The following FRYL variants were observed in gnomAD, a reference collection of about 807,000 sequenced individuals.
FRYL encodes the protein protein furry homolog-like.
FRYL carries 150 observed loss-of-function variants against 351.2 expected under a neutral mutation model. The ratio of observed to expected loss-of-function variants is 0.43; its 90% CI spans 0.37 to 0.49. The LOEUF is 0.49. FRYL is among the 20% of genes least tolerant of loss of function. The probability of loss-of-function intolerance (pLI) is 0.00; values close to 1 mark genes in which losing one functional copy is unlikely to be tolerated. For synonymous variants in FRYL, 1,153 were observed against 1,257.1 expected (o/e 0.92, Z 1.75); for missense variants, 3,036 against 3,619.3 (o/e 0.84, Z 4.13).
At chr4:48,671,566 C>A (rs781150516) in intron 3 of FRYL, among the ~76,000 whole-genome samples, 59 of 152,178 alleles carry the variant, frequency 3.9e-4, no homozygotes, top group Non-Finnish European at 6.9e-4. Context: ...ACTCGGGAGG[C>A]TGAGGCAGGA....
chr4:48,668,431 C>T (rs1762122069), intron 3 of FRYL, among the ~76,000 whole-genome samples: 2 of 151,394 alleles, frequency 1.3e-5, no homozygotes, highest in South Asian at 4.2e-4. Context: ...ACTGGTTTTG[C>T]CTAGGGAACC....
intron 3 of FRYL, among the ~76,000 whole-genome samples, chr4:48,655,912 TATA>T (rs199803635): frequency 0.15 from 20,583 of 139,770 alleles, 1,856 homozygotes; most frequent in Middle Eastern, 0.35. Context: ...GTACATTATA[TATA>T]ATGTGTAATT....
Position 48,527,561 on chromosome 4 carries a change from T to C in FRYL, c.7233A>G (p.Val2411=). ...GTTCACTGCTATTATCTTCCACAGC[T>C]ACTTCTTCCTCTTGATTTATGTCTT... The part of the protein sequence containing the change: ...TTEDINQEEE[V]AVEDNSSEQQ... The change falls in exon 53 of 64, where the codon GTA becomes GTG. Residue 2411 remains valine (V), a synonymous_variant. Coordinates refer to ENST00000358350, the MANE Select transcript of FRYL (RefSeq NM_015030.2). 1 of 1,613,348 alleles carries C rather than the reference T, an allele frequency of 6.2e-7. No individual in the cohort carries two copies. The highest frequency in any genetic ancestry group is 8.5e-7 in the Non-Finnish European group (1 of 1,179,496).
chr4:48,582,558 A>G lies in FRYL; in HGVS notation c.1925T>C (p.Val642Ala). 1 of 1,614,116 alleles carries G rather than the reference A, an allele frequency of 6.2e-7. No homozygotes were observed. The highest frequency in any genetic ancestry group is 8.5e-7 in the Non-Finnish European group (1 of 1,179,984). ...TTGTTTCCACTGATTTATTAATTGT[A>G]CCAACATCTTTACGGCATTATCAAG... ...TLLDNAVKMLVQLINQWKQAA... is the reference protein window; with the variant it reads ...TLLDNAVKMLAQLINQWKQAA... Residue 642 changes from valine (V) to alanine (A), a missense_variant, in exon 20 of 64, where the codon GTA becomes GCA. Coordinates refer to ENST00000358350, the MANE Select transcript of FRYL (RefSeq NM_015030.2).
intron 1 of FRYL, among the ~76,000 whole-genome samples, chr4:48,771,353 A>C (rs1266054740): frequency 2.0e-5 from 3 of 152,370 alleles, no homozygotes. Flanking sequence ...TAACAGACAC[A>C]TCTGGCTATT....
chr4:48,724,578 G>C (rs536377588), intron 1 of FRYL, among the ~76,000 whole-genome samples: 1 of 152,048 alleles, frequency 6.6e-6, no homozygotes, highest in African/African-American at 2.4e-5. Flanking sequence ...AGTTGGGTGC[G>C]GGGGGGCTGT....
At chr4:48,647,539 AAACCC>A (rs1356569964) in intron 3 of FRYL, among the ~76,000 whole-genome samples, 1 of 152,202 alleles carries the variant, frequency 6.6e-6, no homozygotes, top group Admixed American at 6.6e-5. Context: ...GCAAATTGTG[AAACCC>A]AAATACTTAA....
chr4:48,525,440 G>T (rs1350070662), intron 53 of FRYL, among the ~76,000 whole-genome samples: 1 of 152,080 alleles, frequency 6.6e-6, no homozygotes, highest in Admixed American at 6.6e-5. Context: ...CACATCTGCA[G>T]GGGGCACTGA....
At chr4:48,753,109 A>T (rs1773416971) in intron 1 of FRYL, among the ~76,000 whole-genome samples, 1 of 152,206 alleles carries the variant, frequency 6.6e-6, no homozygotes, top group Admixed American at 6.5e-5. Context: ...GATTGCAGGG[A>T]AAGAAAATCC....
chr4:48,772,467 T>G (rs1229982867), intron 1 of FRYL, among the ~76,000 whole-genome samples: 2 of 152,128 alleles, frequency 1.3e-5, no homozygotes, highest in African/African-American at 2.4e-5. Context: ...ATACTATTTA[T>G]ACACATTGAG....
chr4:48,674,618 T>C (rs941957874), intron 3 of FRYL, among the ~76,000 whole-genome samples: 1 of 150,346 alleles, frequency 6.7e-6, no homozygotes, highest in Non-Finnish European at 1.5e-5. Context: ...GCTCCTGTAG[T>C]CCCAGCTACT....
intron 2 of FRYL, among the ~76,000 whole-genome samples, chr4:48,697,189 T>C (rs1415104005): frequency 2.0e-5 from 3 of 152,082 alleles, no homozygotes; most frequent in African/African-American, 7.2e-5. Flanking sequence ...TATGATACAG[T>C]AAAAGACATT....
chr4:48,499,344 C>T lies in FRYL; in HGVS notation c.*78G>A, dbSNP rs1719037538. 6 of 1,272,632 alleles carry T rather than the reference C, an allele frequency of 4.7e-6. No individual in the cohort carries two copies. The Middle Eastern group carries it at 5.7e-4, about 121-fold the overall frequency. The allele number at this position is 1,272,632 out of a possible 1,614,324, so 78.8% of individuals were successfully genotyped here. On this transcript the variant is annotated 3_prime_UTR_variant, in exon 64 of 64. Coordinates refer to ENST00000358350, the MANE Select transcript of FRYL (RefSeq NM_015030.2). ...GCTGCCAGAAAGTTATCAGTGAATG[C>T]AAGGGTCCATAAAAGGTGCTTGGTT...
At chr4:48,591,615 T>C (rs538260769) in intron 16 of FRYL, among the ~76,000 whole-genome samples, 1 of 152,322 alleles carries the variant, frequency 6.6e-6, no homozygotes, top group Non-Finnish European at 1.5e-5. Flanking sequence ...TGTGTCATCT[T>C]TATCTGCATT....
intron 11 of FRYL, among the ~76,000 whole-genome samples, chr4:48,603,970 C>G (rs1423087671): frequency 6.6e-6 from 1 of 152,154 alleles, no homozygotes; most frequent in East Asian, 1.9e-4. Flanking sequence ...ATGTGGTGGT[C>G]TTCCCTAATC....
chr4:48,641,205 T>C (rs1205019460), intron 3 of FRYL, among the ~76,000 whole-genome samples: 2 of 152,102 alleles, frequency 1.3e-5, no homozygotes, highest in African/African-American at 4.8e-5. Context: ...GTAATGTGTA[T>C]GCTGTGTGTG....
rs371004619 is a variant in FRYL, at chr4:48,497,628, G to C, written c.*1794C>G. Reference sequence around the variant, plus strand: ...TGTAAGGAGGGTAAGAAAAACAGAGGACAGTAAGATAGGATGTAAAGTGTG... The same window carrying C: ...TGTAAGGAGGGTAAGAAAAACAGAGCACAGTAAGATAGGATGTAAAGTGTG... On this transcript the variant is annotated 3_prime_UTR_variant, in exon 64 of 64. Coordinates refer to ENST00000358350, the MANE Select transcript of FRYL (RefSeq NM_015030.2). 1 of 152,608 alleles carries C rather than the reference G, an allele frequency of 6.6e-6. No homozygotes were observed. Among genetic ancestry groups the C allele is most frequent in the African/African-American group, 2.4e-5 (1 of 41,512 alleles). The allele number at this position is 152,608 out of a possible 1,614,324, so 9.5% of individuals were successfully genotyped here.
At chr4:48,514,866 A>G (rs2148791825) in intron 56 of FRYL, among the ~76,000 whole-genome samples, 162 bp downstream of exon 56, 1 of 152,374 alleles carries the variant, frequency 6.6e-6, no homozygotes, top group South Asian at 2.1e-4. Context: ...ATTTTTAAAA[A>G]CGAAGATAGT....
At chr4:48,553,069 GT>G (rs1260128444) in intron 36 of FRYL, 145 bp downstream of exon 36, 4 of 569,390 alleles carry the variant, frequency 7.0e-6, no homozygotes, top group African/African-American at 1.9e-5. Flanking sequence ...AGGAAGATTT[GT>G]TTTTTTCTTT....
Sources: gnomAD v4.1 joint callset for allele counts (sites outside exome capture counted in the v4.1 genomes callset) on GRCh38, gnomAD v4.1.1 for gene constraint, MANE v1.5 for transcripts, NCBI Gene and HGNC (gene_info 2026-07-23, HGNC 2026-07-21) for gene names.